DLG2: variants seen among roughly 807,000 people sequenced by gnomAD.
DLG2 encodes discs large MAGUK scaffold protein 2, also known as disks large homolog 2.
In DLG2, 45 loss-of-function variants were observed where a neutral mutation model predicts 132.5. The ratio of observed to expected loss-of-function variants is 0.34; its 90% CI spans 0.27 to 0.44. The LOEUF is 0.44. Among genes scored for constraint, DLG2 ranks in the 20% least tolerant of loss-of-function variants. The pLI is 1.00. For missense variants in DLG2, 1,045 were observed against 1,196.9 expected (o/e 0.87, Z 1.87); for synonymous variants, 424 against 419.6 (o/e 1.01, Z -0.13).
intron 6 of DLG2, among the ~76,000 whole-genome samples, chr11:84,984,206 A>G (rs2056164181): frequency 6.6e-6 from 1 of 152,222 alleles, no homozygotes; most frequent in South Asian, 2.1e-4. Flanking sequence ...GCACATTGCC[A>G]TCAGGTTATC....
At chr11:84,656,560 C>G (rs904894620) in intron 6 of DLG2, among the ~76,000 whole-genome samples, 2 of 152,130 alleles carry the variant, frequency 1.3e-5, no homozygotes, top group South Asian at 2.1e-4. Flanking sequence ...TAATATTCTG[C>G]AACTATGTTT....
chr11:84,360,280 TGAA>T (rs1377247321), intron 7 of DLG2, among the ~76,000 whole-genome samples: 1 of 151,882 alleles, frequency 6.6e-6, no homozygotes, highest in Non-Finnish European at 1.5e-5. Context: ...AGTAAAGGTT[TGAA>T]GAAGACAATC....
At chr11:84,220,447 C>T (rs2096897262) in intron 8 of DLG2, among the ~76,000 whole-genome samples, 1 of 152,152 alleles carries the variant, frequency 6.6e-6, no homozygotes, top group African/African-American at 2.4e-5. Context: ...CACACACATA[C>T]ACCAAAACTT....
chr11:84,372,051 G>A (rs2098708879), intron 7 of DLG2, among the ~76,000 whole-genome samples: 2 of 152,278 alleles, frequency 1.3e-5, no homozygotes, highest in African/African-American at 4.8e-5. Context: ...GGTAATTTGT[G>A]TAAAGTATAT....
chr11:84,852,614 A>C (rs1013480397), intron 6 of DLG2, among the ~76,000 whole-genome samples: 1 of 151,576 alleles, frequency 6.6e-6, no homozygotes, highest in African/African-American at 2.4e-5. Flanking sequence ...GTTCTTCACT[A>C]GAATGCTGAA....
intron 7 of DLG2, among the ~76,000 whole-genome samples, chr11:84,475,503 C>A (rs2099119294): frequency 6.6e-6 from 1 of 152,060 alleles, no homozygotes; most frequent in African/African-American, 2.4e-5. Flanking sequence ...TTTTCTGGCA[C>A]TTGTTCAAAT....
At chr11:84,469,169 C>A (rs924578835) in intron 7 of DLG2, among the ~76,000 whole-genome samples, 1 of 151,496 alleles carries the variant, frequency 6.6e-6, no homozygotes, top group African/African-American at 2.4e-5. Flanking sequence ...AGGTTTTATT[C>A]TGGTATAGTT....
chr11:84,048,530 A>C (rs768230120), intron 11 of DLG2, among the ~76,000 whole-genome samples: 1 of 151,734 alleles, frequency 6.6e-6, no homozygotes, highest in South Asian at 2.1e-4. Context: ...ATCCCAGGAC[A>C]TGAGCCTGAA....
chr11:84,680,149 C>T (rs1303631704), intron 6 of DLG2, among the ~76,000 whole-genome samples: 1 of 152,098 alleles, frequency 6.6e-6, no homozygotes, highest in Admixed American at 6.6e-5. Context: ...TGGTCTTTGC[C>T]TCTGTTCAAA....
intron 6 of DLG2, among the ~76,000 whole-genome samples, chr11:84,649,411 C>G (rs2154546286): frequency 6.6e-6 from 1 of 152,188 alleles, no homozygotes. Context: ...CAGAATAAAG[C>G]CCCATGAGGT....
chr11:85,271,049 C>T (rs1184476079), intron 4 of DLG2, among the ~76,000 whole-genome samples: 1 of 152,170 alleles, frequency 6.6e-6, no homozygotes, highest in Non-Finnish European at 1.5e-5. Context: ...GGGAAAATGT[C>T]TCCAGGGTAT....
chr11:85,072,913 C>T (rs535860955), intron 6 of DLG2, among the ~76,000 whole-genome samples: 11 of 151,866 alleles, frequency 7.2e-5, no homozygotes, highest in African/African-American at 2.7e-4. Context: ...TCAAAAAGGT[C>T]TCACATCCCA....
chr11:85,252,704 T>G (rs1595718296), intron 4 of DLG2, among the ~76,000 whole-genome samples: 1 of 152,316 alleles, frequency 6.6e-6, no homozygotes, highest in East Asian at 1.9e-4. Context: ...ATATAAACAT[T>G]GTAAATATCT....
chr11:84,121,892 T>C (rs907229933), intron 9 of DLG2, among the ~76,000 whole-genome samples: 4 of 152,174 alleles, frequency 2.6e-5, no homozygotes, highest in African/African-American at 9.6e-5. Context: ...ATAATATGTA[T>C]AATTTTTCAA....
chr11:83,749,461 A>ATGATC (rs1173659241), intron 18 of DLG2, among the ~76,000 whole-genome samples: 1 of 152,092 alleles, frequency 6.6e-6, no homozygotes, highest in East Asian at 1.9e-4. Flanking sequence ...TTTTTCAGTT[A>ATGATC]TGATCTGTGC....
At chr11:84,930,550 CT>C (rs1372766015) in intron 6 of DLG2, among the ~76,000 whole-genome samples, 1 of 152,096 alleles carries the variant, frequency 6.6e-6, no homozygotes, top group Non-Finnish European at 1.5e-5. Context: ...TCACACCTTC[CT>C]CCATCCTCAT....
At chr11:84,505,869 C>T (rs1405286228) in intron 7 of DLG2, among the ~76,000 whole-genome samples, 1 of 152,048 alleles carries the variant, frequency 6.6e-6, no homozygotes, top group African/African-American at 2.4e-5. Flanking sequence ...TCTCATACAT[C>T]TTAGCTTAAC....
At chr11:84,799,696 T>A (rs1438800553) in intron 6 of DLG2, among the ~76,000 whole-genome samples, 1 of 152,164 alleles carries the variant, frequency 6.6e-6, no homozygotes, top group South Asian at 2.1e-4. Flanking sequence ...AATTTTTTTT[T>A]AAACTTCTCA....
chr11:84,992,823 T>C (rs1488083421), intron 6 of DLG2, among the ~76,000 whole-genome samples: 1 of 152,168 alleles, frequency 6.6e-6, no homozygotes, highest in Non-Finnish European at 1.5e-5. Flanking sequence ...GCAAAAATTT[T>C]CTCCCATTCT....
Sources: gnomAD v4.1 joint callset for allele counts (sites outside exome capture counted in the v4.1 genomes callset) on GRCh38, gnomAD v4.1.1 for gene constraint, MANE v1.5 for transcripts, NCBI Gene and HGNC (gene_info 2026-07-23, HGNC 2026-07-21) for gene names.